Variants in NBAS observed in about 807,000 individuals in gnomAD.
NBAS encodes NAG/BC035112 fusion.
NBAS carries 219 observed loss-of-function variants against 302.5 expected under a neutral mutation model. That is an observed-to-expected ratio of 0.72 (90% CI 0.65 to 0.81). The LOEUF is 0.81. Among genes scored for constraint, NBAS ranks in the 30% least tolerant of loss-of-function variants. The pLI, the probability that NBAS is intolerant of heterozygous loss-of-function variation, is 0.00. For missense variants in NBAS, 2,932 were observed against 2,841.6 expected (o/e 1.03, Z -0.72); for synonymous variants, 1,118 against 1,021.6 (o/e 1.09, Z -1.80).
the NBAS span, among the ~76,000 whole-genome samples, chr2:15,060,281 T>C: frequency 2.0e-5 from 3 of 152,172 alleles, no homozygotes; most frequent in Admixed American, 6.5e-5. Context: ...ATTCCCCGCT[T>C]GGCAGCAGCT....
the NBAS span, among the ~76,000 whole-genome samples, chr2:14,875,887 A>G: frequency 2.0e-5 from 3 of 152,342 alleles, no homozygotes; most frequent in Non-Finnish European, 4.4e-5. Flanking sequence ...CTATAGATCA[A>G]TGGCTGCGTA....
At chr2:15,541,597 C>T (rs1465699834) in intron 6 of NBAS, among the ~76,000 whole-genome samples, 1 of 152,068 alleles carries the variant, frequency 6.6e-6, no homozygotes, top group Non-Finnish European at 1.5e-5. Flanking sequence ...AGAGGTCATT[C>T]AGCATGGATA....
the NBAS span, among the ~76,000 whole-genome samples, chr2:14,851,223 C>T: frequency 1.5e-5 from 2 of 137,374 alleles, no homozygotes; most frequent in African/African-American, 3.4e-5. Context: ...ATCAAATAGA[C>T]ACAATAAAAA....
At chr2:14,854,156 C>G in the NBAS span, among the ~76,000 whole-genome samples, 2 of 150,256 alleles carry the variant, frequency 1.3e-5, no homozygotes, top group East Asian at 2.0e-4. Context: ...ATACAAAAAC[C>G]AAAACCTATA....
intron 49 of NBAS, among the ~76,000 whole-genome samples, chr2:15,188,637 T>G (rs926391911): frequency 1.3e-5 from 2 of 152,244 alleles, no homozygotes; most frequent in African/African-American, 4.8e-5. Flanking sequence ...CCATTTCATA[T>G]GTGGCTACAA....
chr2:14,820,165 T>C, the NBAS span, among the ~76,000 whole-genome samples: 1 of 152,216 alleles, frequency 6.6e-6, no homozygotes. Flanking sequence ...CTGCTGAGTG[T>C]GTACCCAAAA....
At chr2:14,786,977 C>G in the NBAS span, among the ~76,000 whole-genome samples, 6 of 152,188 alleles carry the variant, frequency 3.9e-5, no homozygotes, top group South Asian at 4.1e-4. Context: ...GTAGGTCACT[C>G]AGGACTTGCT....
intron 47 of NBAS, among the ~76,000 whole-genome samples, chr2:15,219,668 A>T (rs1460980292): frequency 7.2e-6 from 1 of 139,030 alleles, no homozygotes; most frequent in African/African-American, 2.7e-5. Flanking sequence ...CAGGATCCCA[A>T]GGCAGAAGAA....
the NBAS span, among the ~76,000 whole-genome samples, chr2:14,877,485 G>C: frequency 1.3e-5 from 2 of 152,168 alleles, no homozygotes; most frequent in African/African-American, 4.8e-5. Flanking sequence ...TTGATGCTAA[G>C]CAAAGTGGAG....
chr2:14,920,646 T>C, the NBAS span, among the ~76,000 whole-genome samples: 13 of 152,322 alleles, frequency 8.5e-5, no homozygotes, highest in Middle Eastern at 6.8e-3. Context: ...TACTACAGCT[T>C]CTACATCAAT....
At chr2:15,132,941 A>G in the NBAS span, among the ~76,000 whole-genome samples, 1 of 152,102 alleles carries the variant, frequency 6.6e-6, no homozygotes, top group East Asian at 1.9e-4. Context: ...TTTTTAAATT[A>G]CACTCTATTG....
intron 11 of NBAS, among the ~76,000 whole-genome samples, chr2:15,495,706 G>T (rs550087711): frequency 1.3e-5 from 2 of 152,168 alleles, no homozygotes; most frequent in South Asian, 4.2e-4. Context: ...CTAGATAATG[G>T]TTATAAGGTT....
At chr2:15,516,077 T>G (rs1038694147) in intron 9 of NBAS, among the ~76,000 whole-genome samples, 2 of 152,180 alleles carry the variant, frequency 1.3e-5, no homozygotes, top group Non-Finnish European at 2.9e-5. Flanking sequence ...TTGATATTTT[T>G]AAGGAAACAT....
At chr2:15,219,330 TA>T (rs2147886696) in intron 47 of NBAS, among the ~76,000 whole-genome samples, 1 of 150,210 alleles carries the variant, frequency 6.7e-6, no homozygotes, top group African/African-American at 2.5e-5. Flanking sequence ...TCTTTTTTTT[TA>T]ATTTTTTTTT....
chr2:15,293,182 G>C (rs1251330082), intron 40 of NBAS, among the ~76,000 whole-genome samples: 21 of 152,180 alleles, frequency 1.4e-4, no homozygotes. Context: ...GTGGACTACA[G>C]TAAGTGTTCT....
chr2:15,196,597 A>G (rs1418644518), intron 48 of NBAS, among the ~76,000 whole-genome samples: 1 of 152,212 alleles, frequency 6.6e-6, no homozygotes, highest in East Asian at 1.9e-4. Context: ...AACAAACTAA[A>G]TCATGATGTA....
intron 41 of NBAS, 65 bp downstream of exon 41, chr2:15,292,472 G>A: frequency 4.0e-6 from 6 of 1,515,264 alleles, no homozygotes; most frequent in Non-Finnish European, 5.5e-6. Context: ...TAATAGTCCT[G>A]GTAACTGAAC....
chr2:15,451,331 A>G (rs1401912116), intron 21 of NBAS, among the ~76,000 whole-genome samples: 1 of 152,194 alleles, frequency 6.6e-6, no homozygotes, highest in East Asian at 1.9e-4. Flanking sequence ...TATTATAGGC[A>G]TGAGCCACCG....
At chr2:15,082,562 GT>G in the NBAS span, among the ~76,000 whole-genome samples, 1 of 152,052 alleles carries the variant, frequency 6.6e-6, no homozygotes, top group African/African-American at 2.4e-5. Context: ...CTCCTACTTG[GT>G]TATGCTCTTA....
Sources: allele counts gnomAD v4.1 joint callset (sites outside exome capture counted in the v4.1 genomes callset), GRCh38; gene constraint gnomAD v4.1.1; transcripts MANE v1.5; gene names NCBI Gene and HGNC (gene_info 2026-07-23, HGNC 2026-07-21).